The following MRTFB variants were observed in gnomAD, a reference collection of about 807,000 sequenced individuals.
The protein encoded by MRTFB is myocardin-related transcription factor B.
In MRTFB, 29 loss-of-function variants were observed where a neutral mutation model predicts 104.2. The ratio of observed to expected loss-of-function variants is 0.28; its 90% confidence interval spans 0.21 to 0.38. The LOEUF is 0.38. Among genes scored for constraint, MRTFB ranks in the 10% least tolerant of loss-of-function variants. The pLI is 1.00. For synonymous variants in MRTFB, 535 were observed against 519.5 expected, an observed-to-expected ratio of 1.03 and a Z score of -0.41; for missense variants, 1,270 against 1,341.6, an observed-to-expected ratio of 0.95 and a Z score of 0.83.
chr16:14,077,968 C>T (rs1437253343), intron 1 of MRTFB, among the ~76,000 whole-genome samples: 3 of 152,166 alleles, frequency 2.0e-5, no homozygotes, highest in African/African-American at 7.2e-5. Context: ...TTCAGCCTGG[C>T]GTTCAAGGCC....
chr16:14,074,535 A>G (rs2033919428), intron 1 of MRTFB, among the ~76,000 whole-genome samples: 1 of 152,232 alleles, frequency 6.6e-6, no homozygotes, highest in African/African-American at 2.4e-5. Flanking sequence ...ATTGATTTTT[A>G]AGATGCATAT....
At chr16:13,998,305 A>T in the MRTFB span, among the ~76,000 whole-genome samples, 1 of 152,012 alleles carries the variant, frequency 6.6e-6, no homozygotes, top group Non-Finnish European at 1.5e-5. Context: ...AAATTTTGGG[A>T]GTAACAGACC....
intron 2 of MRTFB, among the ~76,000 whole-genome samples, chr16:14,124,033 G>A (rs895933149): frequency 7.9e-5 from 12 of 152,124 alleles, no homozygotes; most frequent in Non-Finnish European, 1.3e-4. Context: ...AGTAGCAATT[G>A]TGAATGGGAG....
chr16:14,219,358 G>A (rs2041581493), intron 8 of MRTFB, among the ~76,000 whole-genome samples: 1 of 152,138 alleles, frequency 6.6e-6, no homozygotes, highest in African/African-American at 2.4e-5. Context: ...TTTGGTAATT[G>A]CATTGGAAAT....
the MRTFB span, among the ~76,000 whole-genome samples, chr16:13,995,175 C>T: frequency 2.0e-5 from 3 of 152,144 alleles, no homozygotes; most frequent in Non-Finnish European, 4.4e-5. Flanking sequence ...ACTCAGATGT[C>T]CCCCAGTAAG....
the MRTFB span, among the ~76,000 whole-genome samples, chr16:13,995,680 C>G: frequency 2.0e-5 from 3 of 152,244 alleles, no homozygotes; most frequent in South Asian, 4.1e-4. Context: ...GGGGAGGCCT[C>G]AGGAAACTTA....
chr16:14,174,489 C>A (rs2039520245), intron 3 of MRTFB, among the ~76,000 whole-genome samples: 1 of 152,038 alleles, frequency 6.6e-6, no homozygotes, highest in African/African-American at 2.4e-5. Flanking sequence ...TTGAGACTAG[C>A]CTGGCCAACA....
At chr16:14,179,149 T>G (rs535216053) in intron 3 of MRTFB, among the ~76,000 whole-genome samples, 25 of 152,328 alleles carry the variant, frequency 1.6e-4, no homozygotes, top group African/African-American at 5.8e-4. Flanking sequence ...CTGAAACACT[T>G]TGCATATTAA....
intron 13 of MRTFB, among the ~76,000 whole-genome samples, chr16:14,251,102 C>T (rs1049496064): frequency 3.9e-5 from 6 of 152,166 alleles, no homozygotes; most frequent in Admixed American, 1.3e-4. Context: ...GTAGGCCGGG[C>T]GCGGTGGCTC....
chr16:14,124,124 G>A (rs1451794297), intron 2 of MRTFB, among the ~76,000 whole-genome samples: 1 of 152,194 alleles, frequency 6.6e-6, no homozygotes, highest in Non-Finnish European at 1.5e-5. Context: ...TGTATCCTGA[G>A]ACTTTGCTGA....
chr16:14,246,628 CA>C lies in MRTFB; in HGVS notation c.1369del (p.Ser457ValfsTer18). On this transcript the variant is annotated frameshift_variant, in exon 12 of 17. Coordinates refer to ENST00000571589, the MANE Select transcript of MRTFB (RefSeq NM_001308142.2). LOFTEE classifies it high-confidence loss of function. Reference protein sequence around the residue: ...VAVSSSAIVTSNPEVTVALPV... With the variant: ...VAVSSSAIVTXNPEVTVALPV... ...CAGTGTCATCATCAGCCATTGTCAC[CA>C]GTAACCCAGAAGTCACTGTGGCCTT... 6.2e-7 allele frequency: 1 copy of C among 1,614,130 alleles called. No homozygotes were observed. Among genetic ancestry groups the C allele is most frequent in the Non-Finnish European group, 8.5e-7 (1 of 1,180,024 alleles).
At chr16:14,071,025 C>T (rs1418418825), upstream of MRTFB, among the ~76,000 whole-genome samples, 1 of 152,226 alleles carries the variant, frequency 6.6e-6, no homozygotes, top group Non-Finnish European at 1.5e-5. Context: ...TCGCCACCGT[C>T]CAAGCCTTTG....
In MRTFB at chr16:14,261,626, T is replaced by G. The variant is rs2043782670; in HGVS notation, c.*182T>G. 1.6e-6 allele frequency: 1 copy of G among 616,500 alleles called. No individual in the cohort carries two copies. Among genetic ancestry groups the G allele is most frequent in the East Asian group, 2.8e-5 (1 of 35,430 alleles). 38.2% of individuals were successfully genotyped at this position (616,500 alleles called of 1,614,324 possible). A position where few individuals can be genotyped will look rare whatever the true frequency, so the allele number is the denominator to read the frequency against. On this transcript the variant is annotated 3_prime_UTR_variant, in exon 17 of 17. Coordinates refer to ENST00000571589, the MANE Select transcript of MRTFB (RefSeq NM_001308142.2). ...GAAAACATTTCATTGTGTTCAGTAGTGAATTTCTACAGTTTAACATAGCAC... is the reference window on the plus strand; with the variant it reads ...GAAAACATTTCATTGTGTTCAGTAGGGAATTTCTACAGTTTAACATAGCAC...
At chr16:14,231,782 C>G (rs1459407760) in intron 8 of MRTFB, among the ~76,000 whole-genome samples, 1 of 152,172 alleles carries the variant, frequency 6.6e-6, no homozygotes, top group South Asian at 2.1e-4. Context: ...GAGCCTGACC[C>G]CTTGATACGG....
intron 3 of MRTFB, among the ~76,000 whole-genome samples, chr16:14,156,145 G>A (rs1471144699): frequency 1.3e-5 from 2 of 152,170 alleles, no homozygotes; most frequent in Non-Finnish European, 2.9e-5. Flanking sequence ...TTACCTGTTT[G>A]CCAATGTGTG....
At position 14,201,311 on chromosome 16, in the gene MRTFB, A is replaced by G. The variant is rs377306015; in HGVS notation, c.155-8932A>G. Among the ~76,000 whole-genome samples, 45 of 152,306 alleles carry G rather than the reference A, an allele frequency of 3.0e-4. 1 individual carries two copies. In the South Asian group the frequency reaches 8.3e-3, roughly 28 times the overall value. ...TTACATAGGCAATGGAGACCTTTGC[A>G]TTGTGATCCATAGAACATAGGAGGA... On this transcript the variant is annotated intron_variant, in intron 3 of 16. Transcript: ENST00000571589.
At chr16:14,136,410 C>G (rs2037723712) in intron 2 of MRTFB, among the ~76,000 whole-genome samples, 1 of 152,204 alleles carries the variant, frequency 6.6e-6, no homozygotes, top group Non-Finnish European at 1.5e-5. Context: ...GATTTATCCT[C>G]TGTGTAAGAT....
the MRTFB span, among the ~76,000 whole-genome samples, chr16:13,997,714 G>A: frequency 6.9e-6 from 1 of 145,792 alleles, no homozygotes; most frequent in Non-Finnish European, 1.5e-5. Flanking sequence ...GATAGCTTGA[G>A]CCCAGGAGGC....
chr16:14,220,981 ATAAG>A (rs1201632196), intron 8 of MRTFB, among the ~76,000 whole-genome samples: 2 of 152,240 alleles, frequency 1.3e-5, no homozygotes, highest in Non-Finnish European at 2.9e-5. Context: ...TCTAGTATTT[ATAAG>A]TAAGGAATCT....
Sources: gnomAD v4.1 joint callset for allele counts (sites outside exome capture counted in the v4.1 genomes callset) on GRCh38, gnomAD v4.1.1 for gene constraint, MANE v1.5 for transcripts, NCBI Gene and HGNC (gene_info 2026-07-23, HGNC 2026-07-21) for gene names.